The following SLC28A1 variants were observed in gnomAD, a reference collection of about 807,000 sequenced individuals.
The protein encoded by SLC28A1 is sodium/nucleoside cotransporter 1.
A neutral mutation model predicts 74.8 loss-of-function variants in SLC28A1; 64 were observed. That is an observed-to-expected ratio of 0.86 (90% CI 0.70 to 1.05). The LOEUF (loss-of-function observed/expected upper bound fraction) is 1.05, where lower values mean the gene tolerates loss of function less well. SLC28A1 is among the 50% of genes least tolerant of loss of function. The pLI is 0.00. For synonymous variants in SLC28A1, 359 were observed against 335.0 expected (o/e 1.07, Z -0.78); for missense variants, 828 against 822.8 (o/e 1.01, Z -0.08).
At chr15:84,896,940 G>A (rs1211671776) in intron 6 of SLC28A1, among the ~76,000 whole-genome samples, 1 of 152,216 alleles carries the variant, frequency 6.6e-6, no homozygotes, top group Non-Finnish European at 1.5e-5. Context: ...TGGAGACAGA[G>A]AGTTGATTAG....
At chr15:84,961,478 T>G in the SLC28A1 span, 70 of 453,486 alleles carry the variant, frequency 1.5e-4, 1 homozygote, top group Non-Finnish European at 2.7e-4. Flanking sequence ...ACTACATGTA[T>G]GTGCCGTCAC....
At chr15:84,943,164 T>C (rs926093260) in intron 15 of SLC28A1, among the ~76,000 whole-genome samples, 1 of 151,702 alleles carries the variant, frequency 6.6e-6, no homozygotes, top group African/African-American at 2.4e-5. Flanking sequence ...CCAGCCTGGG[T>C]GACAAGAGTA....
intron 9 of SLC28A1, among the ~76,000 whole-genome samples, chr15:84,916,500 G>A (rs1233529165): frequency 3.3e-5 from 5 of 151,746 alleles, no homozygotes; most frequent in African/African-American, 9.7e-5. Flanking sequence ...CTCCTGCCTC[G>A]GCCTCCCAAA....
At chr15:84,935,245 G>A in intron 14 of SLC28A1, 51 bp downstream of exon 14, 2 of 1,611,660 alleles carry the variant, frequency 1.2e-6, no homozygotes, top group Non-Finnish European at 8.5e-7. Flanking sequence ...GCCCCAGGTG[G>A]GTGGTGAGTG....
chr15:84,906,629 C>T (rs1967289039), intron 8 of SLC28A1, among the ~76,000 whole-genome samples: 1 of 144,852 alleles, frequency 6.9e-6, no homozygotes, highest in Non-Finnish European at 1.5e-5. Flanking sequence ...TTCCTTCCCT[C>T]CTTCCTTTCT....
chr15:84,966,069 T>C, the SLC28A1 span, among the ~76,000 whole-genome samples: 1 of 152,196 alleles, frequency 6.6e-6, no homozygotes, highest in African/African-American at 2.4e-5. Flanking sequence ...ATTTTTTAAA[T>C]GTAATTTTAT....
At chr15:84,907,114 T>G (rs1967368720) in intron 8 of SLC28A1, among the ~76,000 whole-genome samples, 1 of 152,114 alleles carries the variant, frequency 6.6e-6, no homozygotes, top group African/African-American at 2.4e-5. Flanking sequence ...TCATGCTGCA[T>G]TTGGGGATTT....
At chr15:84,938,272 G>T (rs1208373762) in intron 15 of SLC28A1, 6 of 151,458 alleles carry the variant, frequency 4.0e-5, no homozygotes, top group Admixed American at 4.0e-4. Flanking sequence ...GTCACCTCTG[G>T]TCTCACCCCC....
At position 84,943,448 on chromosome 15, in the gene SLC28A1, A is replaced by G. The variant is rs991850127; in HGVS notation, c.1585A>G (p.Arg529Gly). 8 of 1,613,420 alleles carry G rather than the reference A, an allele frequency of 5.0e-6. No individual in the cohort carries two copies. In the East Asian group the frequency reaches 1.6e-4, roughly 31 times the overall value. The change falls in exon 16 of 19, where the codon AGA (arginine) becomes GGA (glycine). Residue 529 changes from arginine (R) to glycine (G), a missense_variant. Transcript: ENST00000394573. ...CATGCATCTTCTGTATTTTCAGGTC[A>G]GAGCTGAAGTCCTCACGACGTTTGC... ...VGDRKQWISV[R>G]AEVLTTFALC...
intron 4 of SLC28A1, among the ~76,000 whole-genome samples, chr15:84,889,540 T>C (rs1401556406): frequency 6.6e-6 from 1 of 152,094 alleles, no homozygotes; most frequent in Admixed American, 6.5e-5. Flanking sequence ...GGTGGGTGGA[T>C]TCCAATTAGC....
intron 12 of SLC28A1, among the ~76,000 whole-genome samples, chr15:84,929,466 C>A (rs1971025007): frequency 6.6e-6 from 1 of 151,650 alleles, no homozygotes; most frequent in African/African-American, 2.4e-5. Flanking sequence ...ATTGCTTGAA[C>A]CCGGGAGGCA....
chr15:84,935,955 T>G (rs1355590631), intron 15 of SLC28A1, among the ~76,000 whole-genome samples: 1 of 135,706 alleles, frequency 7.4e-6, no homozygotes, highest in Non-Finnish European at 1.6e-5. Flanking sequence ...GTTTTTGTTT[T>G]TTTTTTTTTT....
intron 10 of SLC28A1, 86 bp downstream of exon 10, chr15:84,918,690 A>G: frequency 9.9e-7 from 1 of 1,011,372 alleles, no homozygotes; most frequent in Non-Finnish European, 1.6e-6. Flanking sequence ...TTGCTCCCAG[A>G]GCCCAAACCT....
the SLC28A1 span, among the ~76,000 whole-genome samples, chr15:84,974,407 C>G: frequency 1.3e-5 from 2 of 152,358 alleles, no homozygotes; most frequent in African/African-American, 4.8e-5. Flanking sequence ...GGCAACCCAA[C>G]TTTGCCATCT....
intron 9 of SLC28A1, among the ~76,000 whole-genome samples, chr15:84,914,150 A>C (rs1337979428): frequency 6.6e-6 from 1 of 152,058 alleles, no homozygotes; most frequent in Non-Finnish European, 1.5e-5. Flanking sequence ...GGGTCTCACT[A>C]TATTGCCGAG....
chr15:84,971,214 G>A, the SLC28A1 span, among the ~76,000 whole-genome samples: 2 of 152,198 alleles, frequency 1.3e-5, no homozygotes, highest in African/African-American at 4.8e-5. Context: ...TTTTAATGAA[G>A]AGGATTGGTT....
chr15:84,970,800 C>T, the SLC28A1 span, among the ~76,000 whole-genome samples: 2 of 151,962 alleles, frequency 1.3e-5, no homozygotes, highest in Admixed American at 6.6e-5. Flanking sequence ...GAGTTTTAGA[C>T]CAGCCTGAGC....
chr15:84,962,271 G>A, the SLC28A1 span, among the ~76,000 whole-genome samples: 1 of 151,702 alleles, frequency 6.6e-6, no homozygotes, highest in East Asian at 1.9e-4. Context: ...CAGAGATCTC[G>A]CTATGTTGCC....
At chr15:84,915,077 C>T (rs1190254995) in intron 9 of SLC28A1, among the ~76,000 whole-genome samples, 1 of 152,180 alleles carries the variant, frequency 6.6e-6, no homozygotes, top group Non-Finnish European at 1.5e-5. Context: ...TCAGGATCCA[C>T]TGGACAAGCA....
Sources: allele counts gnomAD v4.1 joint callset (sites outside exome capture counted in the v4.1 genomes callset), GRCh38; gene constraint gnomAD v4.1.1; transcripts MANE v1.5; gene names NCBI Gene and HGNC (gene_info 2026-07-23, HGNC 2026-07-21).